Variants in ITGAD observed in about 807,000 individuals in gnomAD.
The protein encoded by ITGAD is integrin alpha-D.
A neutral mutation model predicts 139.0 loss-of-function variants in ITGAD; 105 were observed. That is an observed-to-expected ratio of 0.76 (90% CI 0.65 to 0.89). ITGAD has a LOEUF of 0.89. Among genes scored for constraint, ITGAD ranks in the 40% least tolerant of loss-of-function variants. The probability of loss-of-function intolerance (pLI) is 0.00; values close to 1 mark genes in which losing one functional copy is unlikely to be tolerated. For synonymous variants in ITGAD, 569 were observed against 598.3 expected (o/e 0.95, Z 0.71); for missense variants, 1,384 against 1,487.3 (o/e 0.93, Z 1.14).
chr16:31,422,389 G>A (rs1197337431), intron 23 of ITGAD, among the ~76,000 whole-genome samples: 3 of 152,152 alleles, frequency 2.0e-5, no homozygotes, highest in Non-Finnish European at 4.4e-5. Context: ...CTGGAACACT[G>A]ATGTCCCTTC....
chr16:31,410,368 C>T (rs1378593164), intron 10 of ITGAD, 27 bp from the exon 11 acceptor site: 2 of 1,613,578 alleles, frequency 1.2e-6, no homozygotes, highest in Admixed American at 1.7e-5. Flanking sequence ...CTAGTCTCTG[C>T]CCAGCCCTGG....
chr16:31,414,397 G>C (rs1057038373), intron 16 of ITGAD, 54 bp from the exon 17 acceptor site: 13 of 1,581,426 alleles, frequency 8.2e-6, no homozygotes, highest in South Asian at 1.1e-5. Flanking sequence ...AATGAAAACA[G>C]AGCATTCTAG....
In ITGAD at chr16:31,402,017, G is replaced by T. The variant is rs2081417494; in HGVS notation, c.428-98G>T. On this transcript the variant is annotated intron_variant, in intron 5 of 29. Coordinates refer to ENST00000389202, the MANE Select transcript of ITGAD (RefSeq NM_005353.3). ...CAAGGAGGGGTCGGAAACTAGGTGG[G>T]GATGCCAAGAACAGCCCCCGGGCTC... The T allele has an allele frequency of 6.4e-6, 9 of 1,404,400 alleles. No homozygotes were observed. The South Asian group carries it at 1.2e-4, about 19-fold the overall frequency. 87.0% of individuals were successfully genotyped at this position (1,404,400 alleles called of 1,614,324 possible).
At chr16:31,416,780 C>T (rs1458583310) in intron 20 of ITGAD, 134 bp downstream of exon 20, 8 of 811,626 alleles carry the variant, frequency 9.9e-6, no homozygotes, top group Admixed American at 5.8e-5. Context: ...CACACACATA[C>T]ACACAGAGAA....
intron 28 of ITGAD, 34 bp from the exon 29 acceptor site, chr16:31,424,428 GATGGC>G (rs1350589601): frequency 2.6e-6 from 4 of 1,536,022 alleles, no homozygotes; most frequent in Admixed American, 1.7e-5. Context: ...AGGCATCTGG[GATGGC>G]ATGAGGCCGG....
At chr16:31,399,930 G>C (rs541341161) in intron 5 of ITGAD, among the ~76,000 whole-genome samples, 29 of 152,328 alleles carry the variant, frequency 1.9e-4, no homozygotes, top group African/African-American at 5.8e-4. Flanking sequence ...TCCATCGATA[G>C]CAAGAGGCAG....
intron 7 of ITGAD, among the ~76,000 whole-genome samples, chr16:31,405,868 C>G (rs191891779): frequency 2.4e-4 from 37 of 152,030 alleles, no homozygotes; most frequent in Admixed American, 2.0e-3. Context: ...GTCTTGAACT[C>G]CGGGCCTCGA....
intron 20 of ITGAD, among the ~76,000 whole-genome samples, chr16:31,417,788 T>G (rs2142818376): frequency 6.6e-6 from 1 of 151,784 alleles, no homozygotes; most frequent in South Asian, 2.1e-4. Flanking sequence ...CTACTGAAAA[T>G]ACAAAAATAT....
chr16:31,398,293 G>A (rs960584562), intron 5 of ITGAD, among the ~76,000 whole-genome samples: 1 of 151,832 alleles, frequency 6.6e-6, no homozygotes, highest in Non-Finnish European at 1.5e-5. Flanking sequence ...AGGATGTGGT[G>A]GTGTGCGCCT....
chr16:31,395,880 C>T (rs1448688736), intron 2 of ITGAD, among the ~76,000 whole-genome samples: 7 of 152,108 alleles, frequency 4.6e-5, no homozygotes, highest in Non-Finnish European at 7.4e-5. Flanking sequence ...CAACCGCGCA[C>T]CCCTCTCCCT....
intron 14 of ITGAD, 145 bp downstream of exon 14, chr16:31,411,662 T>C (rs2081720274): frequency 1.2e-6 from 1 of 806,206 alleles, no homozygotes; most frequent in African/African-American, 1.7e-5. Flanking sequence ...TTCTCTCCTT[T>C]GTTCCAGAAA....
chr16:31,399,959 T>A (rs2081362924), intron 5 of ITGAD, among the ~76,000 whole-genome samples: 1 of 152,236 alleles, frequency 6.6e-6, no homozygotes, highest in African/African-American at 2.4e-5. Flanking sequence ...GCTTGAGCCA[T>A]CCTTGCCTGA....
intron 5 of ITGAD, among the ~76,000 whole-genome samples, chr16:31,398,989 T>A (rs1264298050): frequency 6.6e-6 from 1 of 152,130 alleles, no homozygotes; most frequent in East Asian, 1.9e-4. Flanking sequence ...CTTCCAGGAT[T>A]CCCCAAACTA....
chr16:31,424,204 G>A lies in ITGAD; in HGVS notation c.3261+1G>A, dbSNP rs760813032. The A allele has an allele frequency of 2.5e-6, 4 of 1,614,190 alleles. No homozygotes were observed. Among genetic ancestry groups the A allele is most frequent in the Non-Finnish European group, 3.4e-6 (4 of 1,180,006 alleles). ...ACAGGAGGCATTTATGAGAGCTCAG[G>A]TAGAGACCATGTGGAGGGCAGCGAC... On this transcript the variant is annotated splice_donor_variant, in intron 28 of 29. Transcript: ENST00000389202. LOFTEE classifies it high-confidence loss of function.
At chr16:31,410,582 C>T (rs1467701743) in intron 11 of ITGAD, 58 bp downstream of exon 11, 8 of 1,540,428 alleles carry the variant, frequency 5.2e-6, no homozygotes, top group Non-Finnish European at 7.0e-6. Flanking sequence ...GGGTGGGGTC[C>T]AGGGTTCTGG....
At position 31,407,577 on chromosome 16, in the gene ITGAD, T is replaced by C. The variant is rs755293233; in HGVS notation, c.767T>C (p.Ile256Thr). 1.9e-6 allele frequency: 3 copies of C among 1,613,016 alleles called. No individual in the cohort carries two copies. Among genetic ancestry groups the C allele is most frequent in the Middle Eastern group, 1.7e-4 (1 of 6,050 alleles). Residue 256 changes from isoleucine (I) to threonine (T), a missense_variant, in exon 8 of 30, where the codon ATC (isoleucine) becomes ACC (threonine). Physicochemically the swap from Ile to Thr is moderately conservative, Grantham distance 89 (BLOSUM62 -1). Coordinates refer to ENST00000389202, the MANE Select transcript of ITGAD (RefSeq NM_005353.3). ...AGTGCCAAGAAGATCCTCATTGTCATCACAGATGGGCAGAAGTACAAAGAC... is the reference window on the plus strand; with the variant it reads ...AGTGCCAAGAAGATCCTCATTGTCACCACAGATGGGCAGAAGTACAAAGAC... The part of the protein sequence containing the change: ...RKSAKKILIV[I>T]TDGQKYKDPL...
At chr16:31,418,927 C>T (rs1023197839) in intron 23 of ITGAD, among the ~76,000 whole-genome samples, 8 of 150,026 alleles carry the variant, frequency 5.3e-5, no homozygotes, top group East Asian at 2.0e-4. Flanking sequence ...GGGAGGCTGA[C>T]GCAGGAGAAT....
Position 31,410,472 on chromosome 16 carries a change from C to T in ITGAD, c.1161C>T (p.Pro387=). 1.2e-6 allele frequency: 2 copies of T among 1,613,900 alleles called. No individual in the cohort carries two copies. Among genetic ancestry groups the T allele is most frequent in the Non-Finnish European group, 1.7e-6 (2 of 1,179,954 alleles). The change falls in exon 11 of 30, where the codon CCC becomes CCT. Residue 387 remains proline (P), a synonymous_variant. Coordinates refer to ENST00000389202, the MANE Select transcript of ITGAD (RefSeq NM_005353.3). The part of the protein sequence containing the change: ...GAFLYPPNMS[P]TFINMSQENV... Reference sequence around the variant, plus strand: ...TCCTGTATCCCCCAAATATGAGCCCCACCTTCATCAACATGTCTCAGGAGA... The same window carrying T: ...TCCTGTATCCCCCAAATATGAGCCCTACCTTCATCAACATGTCTCAGGAGA...
chr16:31,395,845 G>A (rs2081252181), intron 2 of ITGAD, among the ~76,000 whole-genome samples: 2 of 152,002 alleles, frequency 1.3e-5, no homozygotes, highest in Admixed American at 1.3e-4. Flanking sequence ...TTGGTCACGA[G>A]GAGCTATAAG....
Sources: gnomAD v4.1 joint callset for allele counts (sites outside exome capture counted in the v4.1 genomes callset) on GRCh38, gnomAD v4.1.1 for gene constraint, MANE v1.5 for transcripts, NCBI Gene and HGNC (gene_info 2026-07-23, HGNC 2026-07-21) for gene names.